ANKRD55: variants seen among roughly 807,000 people sequenced by gnomAD.
ANKRD55 encodes the protein ankyrin repeat domain-containing protein 55.
In ANKRD55, 41 loss-of-function variants were observed where a neutral mutation model predicts 60.6. That is an observed-to-expected ratio of 0.68 (90% CI 0.53 to 0.88). The LOEUF is 0.88. Among genes scored for constraint, ANKRD55 ranks in the 40% least tolerant of loss-of-function variants. The pLI, the probability that ANKRD55 is intolerant of heterozygous loss-of-function variation, is 0.00. For missense variants in ANKRD55, 732 were observed against 767.6 expected, an observed-to-expected ratio of 0.95 and a Z score of 0.55; for synonymous variants, 264 against 290.3, an observed-to-expected ratio of 0.91 and a Z score of 0.92.
At chr5:56,207,480 T>G (rs2111867472) in intron 2 of ANKRD55, among the ~76,000 whole-genome samples, 1 of 152,334 alleles carries the variant, frequency 6.6e-6, no homozygotes, top group African/African-American at 2.4e-5. Flanking sequence ...TAGGTGATTT[T>G]GTCGTTATGA....
intron 6 of ANKRD55, among the ~76,000 whole-genome samples, chr5:56,147,069 G>A (rs1237851772): frequency 4.6e-5 from 7 of 152,174 alleles, no homozygotes; most frequent in Non-Finnish European, 8.8e-5. Flanking sequence ...TTGGTGAAGG[G>A]GTGGGGTGGG....
intron 2 of ANKRD55, chr5:56,193,046 A>C: frequency 1.0e-6 from 1 of 965,974 alleles, no homozygotes; most frequent in Non-Finnish European, 1.5e-6. Flanking sequence ...TTGGTTTTTG[A>C]AAGCAGATGA....
intron 10 of ANKRD55, among the ~76,000 whole-genome samples, chr5:56,103,540 C>T (rs942365720): frequency 6.6e-6 from 1 of 152,146 alleles, no homozygotes. Context: ...AGGCTTGATT[C>T]CCTGCTTCCC....
chr5:56,179,973 C>T (rs1758819339), intron 3 of ANKRD55, among the ~76,000 whole-genome samples: 2 of 152,212 alleles, frequency 1.3e-5, no homozygotes, highest in South Asian at 2.1e-4. Context: ...AATGAATACA[C>T]GAGACTGGGT....
rs1017306668 is a variant in ANKRD55 at position 56,232,894 on chromosome 5, A to C, written c.20T>G (p.Met7Arg). 2 of 1,614,200 alleles carry C rather than the reference A, an allele frequency of 1.2e-6. No individual in the cohort carries two copies. The highest frequency in any genetic ancestry group is 3.3e-4 in the Middle Eastern group (2 of 6,062). ...AAACACAGAAGGGGTGCTGAAATCC[A>C]TGGTAGCCTGTCTCATCATTTACCA... MMRQAT[M>R]DFSTPSVFDQ... Residue 7 changes from methionine (M) to arginine (R), a missense_variant, in exon 2 of 12, where the codon ATG becomes AGG. Transcript: ENST00000341048.
intron 2 of ANKRD55, among the ~76,000 whole-genome samples, chr5:56,185,206 G>A (rs1758941355): frequency 6.6e-6 from 1 of 150,730 alleles, no homozygotes; most frequent in South Asian, 2.1e-4. Flanking sequence ...CTGGGCGACA[G>A]AGCGAGACTC....
chr5:56,115,479 T>C (rs1756860728), intron 9 of ANKRD55, among the ~76,000 whole-genome samples: 1 of 151,888 alleles, frequency 6.6e-6, no homozygotes, highest in Non-Finnish European at 1.5e-5. Flanking sequence ...CCACCACATC[T>C]GGCTAGTTTT....
At chr5:56,176,618 G>A (rs2111822879) in intron 3 of ANKRD55, among the ~76,000 whole-genome samples, 1 of 152,226 alleles carries the variant, frequency 6.6e-6, no homozygotes, top group South Asian at 2.1e-4. Context: ...GTAGAATCTA[G>A]GAGTGCCTTT....
At chr5:56,124,629 T>C (rs753809804) in intron 8 of ANKRD55, among the ~76,000 whole-genome samples, 3 of 152,134 alleles carry the variant, frequency 2.0e-5, no homozygotes, top group Non-Finnish European at 4.4e-5. Context: ...TGCCTCAGCC[T>C]CCGGAGTAGC....
At chr5:56,135,288 C>CTGCCTGCCTGCCTGCT (rs1757543471) in intron 7 of ANKRD55, among the ~76,000 whole-genome samples, 1 of 92,974 alleles carries the variant, frequency 1.1e-5, no homozygotes, top group African/African-American at 3.9e-5. Flanking sequence ...CCCTGCCTGC[C>CTGCCTGCCTGCCTGCT]TGCTTGCTTT....
At position 56,216,792 on chromosome 5, in the gene ANKRD55, G is replaced by A. The variant is rs533093097; in HGVS notation, c.58+16064C>T. Among the ~76,000 whole-genome samples the A allele has an allele frequency of 4.6e-5, 7 of 152,304 alleles. No individual in the cohort carries two copies. The South Asian group carries it at 1.4e-3, about 32-fold the overall frequency. On this transcript the variant is annotated intron_variant, in intron 2 of 11. Coordinates refer to ENST00000341048, the MANE Select transcript of ANKRD55 (RefSeq NM_024669.3). ...AAATAAAAGTTTGAAGCTAGCAAAG[G>A]TTGTTTCATGAGGTTTAAGGAGAGA...
intron 2 of ANKRD55, among the ~76,000 whole-genome samples, chr5:56,228,899 G>A (rs1050533679): frequency 6.6e-6 from 1 of 152,104 alleles, no homozygotes; most frequent in African/African-American, 2.4e-5. Context: ...CCAGCAACTC[G>A]ACAAGAGAAA....
chr5:56,225,507 T>G (rs1760087819), intron 2 of ANKRD55, among the ~76,000 whole-genome samples: 1 of 152,112 alleles, frequency 6.6e-6, no homozygotes. Flanking sequence ...GAGAAATAAA[T>G]AAAGAGTATT....
intron 6 of ANKRD55, among the ~76,000 whole-genome samples, chr5:56,149,233 C>T (rs1324221982): frequency 2.0e-5 from 3 of 152,074 alleles, no homozygotes; most frequent in East Asian, 3.8e-4. Context: ...GTGAGCATCA[C>T]GATAGCCAAA....
intron 2 of ANKRD55, among the ~76,000 whole-genome samples, chr5:56,184,525 A>G (rs1758924834): frequency 6.6e-6 from 1 of 152,192 alleles, no homozygotes; most frequent in South Asian, 2.1e-4. Context: ...AAGAAACAGA[A>G]CTGTAGGCAA....
At position 56,174,793 on chromosome 5, in the gene ANKRD55, C is replaced by T. The variant is rs1301550674; in HGVS notation, c.312+1359G>A. 3.3e-4 allele frequency among the ~76,000 whole-genome samples: 48 copies of T among 146,268 alleles called. 1 individual carries two copies. The Admixed American group carries it at 3.3e-3, about 10-fold the overall frequency. On this transcript the variant is annotated intron_variant, in intron 4 of 11. Transcript: ENST00000341048. ...TCTGCAGTGAGCTGAGATCGCACCA[C>T]TGCACTCCAGCCTGGTGACAGAGTG...
intron 2 of ANKRD55, among the ~76,000 whole-genome samples, chr5:56,220,534 G>A (rs541780453): frequency 3.5e-4 from 53 of 152,322 alleles, no homozygotes; most frequent in African/African-American, 1.3e-3. Flanking sequence ...ACTGAAAGAG[G>A]CGGGGCACAG....
intron 4 of ANKRD55, among the ~76,000 whole-genome samples, chr5:56,172,899 A>C (rs565502388): frequency 6.6e-6 from 1 of 152,350 alleles, no homozygotes; most frequent in South Asian, 2.1e-4. Context: ...CAGGCAGGGC[A>C]CATAACATTG....
At chr5:56,100,385 T>C (rs1756236154) in intron 11 of ANKRD55, 81 bp from the exon 12 acceptor site, 2 of 1,559,018 alleles carry the variant, frequency 1.3e-6, no homozygotes, top group Non-Finnish European at 8.8e-7. Context: ...TATTGTGTTT[T>C]AGGAGTCGAG....
Sources: gnomAD v4.1 joint callset for allele counts (sites outside exome capture counted in the v4.1 genomes callset) on GRCh38, gnomAD v4.1.1 for gene constraint, MANE v1.5 for transcripts, NCBI Gene and HGNC (gene_info 2026-07-23, HGNC 2026-07-21) for gene names.